The following PRIM2 variants were observed in gnomAD, a reference collection of about 807,000 sequenced individuals.
PRIM2 encodes the protein DNA primase large subunit.
A neutral mutation model predicts 67.3 loss-of-function variants in PRIM2; 39 were observed. The ratio of observed to expected loss-of-function variants is 0.58; its 90% CI spans 0.45 to 0.76. PRIM2 has a LOEUF of 0.76. Among genes scored for constraint, PRIM2 ranks in the 30% least tolerant of loss-of-function variants. The probability of loss-of-function intolerance (pLI) is 0.00; values close to 1 mark genes in which losing one functional copy is unlikely to be tolerated. For synonymous variants in PRIM2, 143 were observed against 198.7 expected (o/e 0.72, Z 2.36); for missense variants, 398 against 598.7 (o/e 0.66, Z 3.50).
chr6:57,469,384 T>G (rs1773283396), intron 7 of PRIM2, among the ~76,000 whole-genome samples: 1 of 152,260 alleles, frequency 6.6e-6, no homozygotes, highest in South Asian at 2.1e-4. Context: ...TGAATCACGT[T>G]TATGGTTTTG....
chr6:57,504,314 A>G (rs1435406652), intron 7 of PRIM2, among the ~76,000 whole-genome samples: 2 of 152,158 alleles, frequency 1.3e-5, no homozygotes, highest in Non-Finnish European at 2.9e-5. Flanking sequence ...CATTTAATGG[A>G]GGATTATTAG....
intron 5 of PRIM2, among the ~76,000 whole-genome samples, chr6:57,363,599 T>G (rs1335105886): frequency 6.6e-6 from 1 of 152,190 alleles, no homozygotes; most frequent in Non-Finnish European, 1.5e-5. Context: ...CTTCTCCTCT[T>G]GCTGTGGGGA....
In PRIM2 at chr6:57,508,836, G is replaced by A. The variant is rs1236261552; in HGVS notation, c.761+1382G>A. 9.2e-5 allele frequency among the ~76,000 whole-genome samples: 14 copies of A among 152,092 alleles called. No homozygotes were observed. In the East Asian group the frequency reaches 2.5e-3, roughly 27 times the overall value. ...TTGATAGCATCTCCTGATCTTATTT[G>A]CTTTTACATACTTTAAAGGATAGTG... is the stretch of plus-strand genomic sequence containing the variant. On this transcript the variant is annotated intron_variant, in intron 8 of 13. Transcript: ENST00000615550.
intron 5 of PRIM2, among the ~76,000 whole-genome samples, chr6:57,361,418 A>G (rs1272197239): frequency 6.6e-6 from 1 of 151,736 alleles, no homozygotes; most frequent in Non-Finnish European, 1.5e-5. Context: ...AAGGGGAGGA[A>G]GCTTGGTGGA....
At chr6:57,327,089 C>T (rs569392023) in intron 5 of PRIM2, among the ~76,000 whole-genome samples, 27 of 151,780 alleles carry the variant, frequency 1.8e-4, no homozygotes, top group Non-Finnish European at 2.9e-4. Flanking sequence ...TTTTTAGAGA[C>T]GTAGTTTTGC....
chr6:57,506,870 A>T (rs1425914099), intron 7 of PRIM2, among the ~76,000 whole-genome samples: 2 of 152,048 alleles, frequency 1.3e-5, no homozygotes, highest in Admixed American at 6.6e-5. Context: ...TTGCTTCTGT[A>T]TACTTAAAAG....
chr6:57,306,215 G>A, the PRIM2 span, among the ~76,000 whole-genome samples: 1 of 152,104 alleles, frequency 6.6e-6, no homozygotes, highest in Non-Finnish European at 1.5e-5. Flanking sequence ...AACCCCATAT[G>A]GTTCCTATCC....
intron 12 of PRIM2, among the ~76,000 whole-genome samples, chr6:57,607,641 C>T (rs1456387950): frequency 2.6e-5 from 4 of 152,056 alleles, no homozygotes; most frequent in East Asian, 1.9e-4. Context: ...TAGTTGGTTT[C>T]GGTTTGAGTG....
At chr6:57,324,457 A>T (rs998344301) in intron 4 of PRIM2, among the ~76,000 whole-genome samples, 177 bp downstream of exon 4, 11 of 152,212 alleles carry the variant, frequency 7.2e-5, no homozygotes, top group African/African-American at 2.7e-4. Flanking sequence ...TTACTTAAAA[A>T]TATTGAAAAA....
chr6:57,609,886 G>A (rs1299571298), intron 12 of PRIM2, among the ~76,000 whole-genome samples: 3 of 152,152 alleles, frequency 2.0e-5, no homozygotes, highest in Non-Finnish European at 4.4e-5. Context: ...TTTTGATAAG[G>A]TTGAATTTTG....
chr6:57,496,542 C>G (rs1393016013), intron 7 of PRIM2, among the ~76,000 whole-genome samples: 2 of 152,084 alleles, frequency 1.3e-5, no homozygotes, highest in African/African-American at 2.4e-5. Context: ...TGAGAAACTT[C>G]CACATAAAAA....
intron 12 of PRIM2, among the ~76,000 whole-genome samples, chr6:57,617,531 T>C (rs1776776875): frequency 6.6e-6 from 1 of 152,224 alleles, no homozygotes. Context: ...TCTTTTTATA[T>C]GCTTTTTGGC....
chr6:57,605,238 T>C (rs1161397911), intron 11 of PRIM2, among the ~76,000 whole-genome samples: 2 of 152,244 alleles, frequency 1.3e-5, no homozygotes, highest in African/African-American at 4.8e-5. Context: ...TTTTCTTTTT[T>C]TCATTGTGTC....
chr6:57,523,739 C>A (rs1774679032), intron 8 of PRIM2, among the ~76,000 whole-genome samples: 3 of 151,880 alleles, frequency 2.0e-5, no homozygotes, highest in African/African-American at 7.3e-5. Flanking sequence ...TCTTAACCAG[C>A]TAATCTTGCC....
chr6:57,593,647 A>G (rs1403486674), intron 10 of PRIM2, among the ~76,000 whole-genome samples: 4 of 152,214 alleles, frequency 2.6e-5, no homozygotes, highest in African/African-American at 4.8e-5. Context: ...AGTCGTGGAT[A>G]TGAAGACCTA....
intron 12 of PRIM2, among the ~76,000 whole-genome samples, chr6:57,630,129 G>A (rs1194501302): frequency 6.7e-6 from 1 of 149,552 alleles, no homozygotes; most frequent in Non-Finnish European, 1.5e-5. Context: ...AACCTCTATT[G>A]CCTTTTTTTC....
intron 5 of PRIM2, among the ~76,000 whole-genome samples, chr6:57,363,845 C>T (rs1769270660): frequency 1.3e-5 from 2 of 152,074 alleles, no homozygotes; most frequent in South Asian, 4.1e-4. Context: ...TTTAAACTTC[C>T]CTCTACCTGT....
chr6:57,365,435 G>A (rs1769324941), intron 5 of PRIM2, among the ~76,000 whole-genome samples: 1 of 151,498 alleles, frequency 6.6e-6, no homozygotes, highest in South Asian at 2.1e-4. Context: ...ATTATTTTGT[G>A]TGTATGAATT....
chr6:57,427,109 T>A (rs1771658267), intron 7 of PRIM2, among the ~76,000 whole-genome samples: 1 of 152,200 alleles, frequency 6.6e-6, no homozygotes. Flanking sequence ...TGAACTTCTT[T>A]ATCACCCTGG....
Sources: allele counts gnomAD v4.1 joint callset (sites outside exome capture counted in the v4.1 genomes callset), GRCh38; gene constraint gnomAD v4.1.1; transcripts MANE v1.5; gene names NCBI Gene and HGNC (gene_info 2026-07-23, HGNC 2026-07-21).